Variants in GANC observed in about 807,000 individuals in gnomAD.
GANC encodes neutral alpha-glucosidase C.
A neutral mutation model predicts 124.2 loss-of-function variants in GANC; 117 were observed. The observed-to-expected ratio is 0.94, with a 90% CI of 0.81 to 1.10. GANC has a LOEUF of 1.10. GANC is among the 50% of genes least tolerant of loss of function. The probability of loss-of-function intolerance (pLI) is 0.00; values close to 1 mark genes in which losing one functional copy is unlikely to be tolerated. For synonymous variants in GANC, 377 were observed against 376.8 expected (o/e 1.00, Z -0.01); for missense variants, 1,140 against 1,095.0 (o/e 1.04, Z -0.58).
intron 1 of GANC, among the ~76,000 whole-genome samples, chr15:42,275,047 G>A (rs1258646947): frequency 6.6e-6 from 1 of 152,084 alleles, no homozygotes; most frequent in Admixed American, 6.5e-5. Flanking sequence ...AAGCTGTAAA[G>A]AGGAAACAAA....
intron 6 of GANC, among the ~76,000 whole-genome samples, chr15:42,299,555 T>C (rs1219367040): frequency 6.6e-6 from 1 of 152,232 alleles, no homozygotes; most frequent in Non-Finnish European, 1.5e-5. Flanking sequence ...GATTCAATGC[T>C]ATTCCCATCA....
chr15:42,301,704 G>A (rs905963557), intron 6 of GANC, among the ~76,000 whole-genome samples: 16 of 152,158 alleles, frequency 1.1e-4, no homozygotes, highest in African/African-American at 3.1e-4. Context: ...TTGAGTAGGC[G>A]GTTTTCCCCT....
chr15:42,286,295 CTGTGTTAGCTT>C (rs1374352310), intron 3 of GANC, among the ~76,000 whole-genome samples: 2 of 152,208 alleles, frequency 1.3e-5, no homozygotes, highest in African/African-American at 4.8e-5. Context: ...ACAGAATGCT[CTGTGTTAGCTT>C]TGCATCTCTT....
At chr15:42,340,640 G>A (rs567339853) in intron 17 of GANC, 50 bp from the exon 18 acceptor site, 18 of 1,272,324 alleles carry the variant, frequency 1.4e-5, no homozygotes, top group South Asian at 1.0e-4. Context: ...GTGATTGATT[G>A]CAATAAGATG....
chr15:42,336,708 G>A (rs866031192), intron 15 of GANC, among the ~76,000 whole-genome samples: 6 of 152,082 alleles, frequency 3.9e-5, no homozygotes, highest in Admixed American at 1.3e-4. Context: ...TCTACAGAAC[G>A]GGAGAAAATA....
chr15:42,283,973 G>A (rs1464880688), intron 3 of GANC: 10 of 702,450 alleles, frequency 1.4e-5, no homozygotes, highest in Middle Eastern at 4.6e-4. Flanking sequence ...AACTGTAGAA[G>A]GGACAATTAG....
intron 2 of GANC, among the ~76,000 whole-genome samples, chr15:42,277,194 C>T (rs916375219): frequency 3.3e-5 from 5 of 152,144 alleles, no homozygotes; most frequent in African/African-American, 1.2e-4. Context: ...TACCAGATTT[C>T]CCTCCATAGG....
intron 16 of GANC, 151 bp downstream of exon 16, chr15:42,338,641 TAGAG>T (rs1199429833): frequency 1.5e-6 from 1 of 653,758 alleles, no homozygotes; most frequent in East Asian, 2.9e-5. Context: ...AGGAGCGGAT[TAGAG>T]AGGAGAGTGA....
In GANC at chr15:42,273,656, T is replaced by C. The variant is rs1036963103; in HGVS notation, c.-826T>C. 1.9e-6 allele frequency: 1 copy of C among 515,216 alleles called. No individual in the cohort carries two copies. The highest frequency in any genetic ancestry group is 3.4e-6 in the Non-Finnish European group (1 of 291,072). The allele number at this position is 515,216 out of a possible 1,614,324, so 31.9% of individuals were successfully genotyped here. A position where few individuals can be genotyped will look rare whatever the true frequency, so the allele number is the denominator to read the frequency against. Reference sequence around the variant, plus strand: ...TCGCTACATGCCAGCCTGGCCTGAGTCTTTTCTGTCTCCCAGCCGTTAAAG... The same window carrying C: ...TCGCTACATGCCAGCCTGGCCTGAGCCTTTTCTGTCTCCCAGCCGTTAAAG... On this transcript the variant is annotated 5_prime_UTR_variant, in exon 1 of 24. Transcript: ENST00000318010.
chr15:42,282,332 A>T (rs12594208), intron 3 of GANC, among the ~76,000 whole-genome samples: 109,388 of 151,920 alleles, frequency 0.72, 42,179 homozygotes, highest in Non-Finnish European at 0.87. Flanking sequence ...AAAAAAAAAA[A>T]TTTTTAATAA....
At chr15:42,274,595 T>A in intron 1 of GANC, 85 bp downstream of exon 1, 2 of 1,294,026 alleles carry the variant, frequency 1.5e-6, no homozygotes, top group East Asian at 2.6e-5. Context: ...CTTATTTGCG[T>A]ATTTGGTATT....
Position 42,321,922 on chromosome 15 carries a change from A to G in GANC, c.1195A>G (p.Ile399Val), listed in dbSNP as rs1452707433. Residue 399 changes from isoleucine to valine, a missense_variant, in exon 11 of 24, where the codon ATA (isoleucine) becomes GTA (valine). Ile to Val is a conservative substitution (Grantham distance 29). Coordinates refer to ENST00000318010, the MANE Select transcript of GANC (RefSeq NM_198141.3). ...TCCTTATGATGCCATGTGGCTGGACATAGAGCACACTGAGGGCAAGAGGTA... is the reference window on the plus strand; with the variant it reads ...TCCTTATGATGCCATGTGGCTGGACGTAGAGCACACTGAGGGCAAGAGGTA... ...DIPYDAMWLD[I>V]EHTEGKRYFT... 4 of 1,614,116 alleles carry G rather than the reference A, an allele frequency of 2.5e-6. No individual in the cohort carries two copies. Among genetic ancestry groups the G allele is most frequent in the African/African-American group, 2.7e-5 (2 of 74,942 alleles).
At chr15:42,322,824 T>C (rs182246305) in intron 11 of GANC, among the ~76,000 whole-genome samples, 2,528 of 151,910 alleles carry the variant, frequency 0.017, 73 homozygotes, top group African/African-American at 0.059. Flanking sequence ...GTGGTGGTGG[T>C]AATAGCAATA....
chr15:42,291,085 C>G (rs1210621789), intron 4 of GANC, among the ~76,000 whole-genome samples: 1 of 151,934 alleles, frequency 6.6e-6, no homozygotes, highest in African/African-American at 2.4e-5. Flanking sequence ...CCCAACATGC[C>G]CAGAGAGCCA....
intron 6 of GANC, 25 bp downstream of exon 6, chr15:42,297,681 GT>G: frequency 6.5e-7 from 1 of 1,550,370 alleles, no homozygotes; most frequent in East Asian, 2.3e-5. Flanking sequence ...TCCATTTATT[GT>G]TATCTTTTTC....
At chr15:42,332,851 T>TA (rs5812220) in intron 15 of GANC, among the ~76,000 whole-genome samples, 1,978 of 120,472 alleles carry the variant, frequency 0.016, 52 homozygotes, top group African/African-American at 0.06. Flanking sequence ...CTGTCTCTAC[T>TA]AAAAAAAAAA....
chr15:42,309,017 G>C (rs2052025110), intron 8 of GANC, among the ~76,000 whole-genome samples: 1 of 152,152 alleles, frequency 6.6e-6, no homozygotes. Context: ...CAAAATGGGA[G>C]AGTGAGCCAG....
chr15:42,311,988 T>G (rs942934213), intron 10 of GANC, among the ~76,000 whole-genome samples: 8 of 152,194 alleles, frequency 5.3e-5, no homozygotes, highest in African/African-American at 1.9e-4. Flanking sequence ...GAAAGACTTG[T>G]ACACTGAAAA....
In GANC at chr15:42,273,545, TCAGA is replaced by T. The variant is rs17525771; in HGVS notation, c.-933_-930del. 365 of 1,365,484 alleles carry T rather than the reference TCAGA, an allele frequency of 2.7e-4. 6 individuals carry two copies. The East Asian group carries it at 8.8e-3, about 33-fold the overall frequency. 84.6% of individuals were successfully genotyped at this position (1,365,484 alleles called of 1,614,324 possible). A position where few individuals can be genotyped will look rare whatever the true frequency, so the allele number is the denominator to read the frequency against. The stretch of plus-strand genomic sequence containing the variant: ...GCTGTGCGGCGTAGCGGCCCCTCTC[TCAGA>T]CAGTCGTCTGTGCGCCGTGAGACTT... On this transcript the variant is annotated 5_prime_UTR_variant, in exon 1 of 24. Coordinates refer to ENST00000318010, the MANE Select transcript of GANC (RefSeq NM_198141.3).
Sources: allele counts gnomAD v4.1 joint callset (sites outside exome capture counted in the v4.1 genomes callset), GRCh38; gene constraint gnomAD v4.1.1; transcripts MANE v1.5; gene names NCBI Gene and HGNC (gene_info 2026-07-23, HGNC 2026-07-21).